Variants in COL5A2 observed in about 807,000 individuals in gnomAD.
COL5A2 encodes the protein collagen alpha-2(V) chain.
Under a neutral mutation model 208.2 loss-of-function variants are expected in COL5A2, and 23 were observed. The ratio of observed to expected loss-of-function variants is 0.11; its 90% CI spans 0.08 to 0.16. COL5A2 has a LOEUF of 0.16. Among genes scored for constraint, COL5A2 ranks in the 10% least tolerant of loss-of-function variants. COL5A2 has a pLI of 1.00. For synonymous variants in COL5A2, 625 were observed against 628.5 expected (o/e 0.99, Z 0.08); for missense variants, 1,590 against 1,956.4 (o/e 0.81, Z 3.53).
intron 1 of COL5A2, among the ~76,000 whole-genome samples, chr2:189,187,847 T>C (rs977391543): frequency 1.3e-5 from 2 of 151,734 alleles, no homozygotes; most frequent in African/African-American, 4.8e-5. Context: ...TGGGCGCCTG[T>C]AGTCCCAGCT....
At chr2:189,036,215 G>T (rs115339991) in intron 52 of COL5A2, among the ~76,000 whole-genome samples, 2,626 of 152,046 alleles carry the variant, frequency 0.017, 66 homozygotes, top group African/African-American at 0.06. Flanking sequence ...ACTTTATAAG[G>T]CCCCAAAGTC....
the COL5A2 span, among the ~76,000 whole-genome samples, chr2:189,390,224 G>A: frequency 1.3e-5 from 2 of 152,018 alleles, no homozygotes; most frequent in Non-Finnish European, 2.9e-5. Context: ...GAGCTCACCC[G>A]CACAAATCAC....
the COL5A2 span, among the ~76,000 whole-genome samples, chr2:189,246,515 T>C: frequency 6.6e-6 from 1 of 152,178 alleles, no homozygotes; most frequent in African/African-American, 2.4e-5. Context: ...AAATTAACCA[T>C]GCTAGAGGTA....
the COL5A2 span, among the ~76,000 whole-genome samples, chr2:189,233,555 GA>G: frequency 1.4e-5 from 2 of 147,148 alleles, no homozygotes; most frequent in East Asian, 2.0e-4. Context: ...CTTGGTATTT[GA>G]AAAAAAAAAG....
chr2:189,153,492 T>A (rs1184600097), intron 1 of COL5A2, among the ~76,000 whole-genome samples: 1 of 152,144 alleles, frequency 6.6e-6, no homozygotes, highest in African/African-American at 2.4e-5. Context: ...CCATAATATC[T>A]AACAAGCATA....
intron 1 of COL5A2, among the ~76,000 whole-genome samples, chr2:189,148,716 T>G (rs1324239382): frequency 6.6e-6 from 1 of 152,194 alleles, no homozygotes; most frequent in East Asian, 1.9e-4. Context: ...GAATCTTCAT[T>G]TTTCCATAAA....
At chr2:189,289,631 T>A in the COL5A2 span, among the ~76,000 whole-genome samples, 21,398 of 152,138 alleles carry the variant, frequency 0.14, 1,921 homozygotes, top group South Asian at 0.2. Flanking sequence ...ATATATTTTT[T>A]AAAAATCTAG....
At chr2:189,049,301 T>A in intron 44 of COL5A2, 46 bp downstream of exon 44, 3 of 1,331,600 alleles carry the variant, frequency 2.3e-6, no homozygotes, top group Non-Finnish European at 3.2e-6. Context: ...ATTGTTTCCA[T>A]GACACCAGAT....
chr2:189,261,650 T>C, the COL5A2 span, among the ~76,000 whole-genome samples: 3 of 152,228 alleles, frequency 2.0e-5, no homozygotes, highest in Non-Finnish European at 4.4e-5. Context: ...TTAGATTTCC[T>C]GTTCTTTCAA....
In COL5A2 at chr2:189,032,737, C is replaced by T. The variant is rs1240428087; in HGVS notation, c.*1333G>A. On this transcript the variant is annotated 3_prime_UTR_variant, in exon 54 of 54. Transcript: ENST00000374866. ...CAAGTATTACAAAGCATTCCAGATA[C>T]AGTATGACAGAGGAACAGTGAACAA... The T allele has an allele frequency of 6.6e-6, 1 of 152,488 alleles. No homozygotes were observed. The highest frequency in any genetic ancestry group is 2.4e-5 in the African/African-American group (1 of 41,420). The allele number at this position is 152,488 out of a possible 1,614,324, so 9.4% of individuals were successfully genotyped here.
At chr2:189,378,467 G>A in the COL5A2 span, among the ~76,000 whole-genome samples, 1 of 152,194 alleles carries the variant, frequency 6.6e-6, no homozygotes, top group Non-Finnish European at 1.5e-5. Context: ...GCTCACGCCT[G>A]TAATCCCAGC....
the COL5A2 span, among the ~76,000 whole-genome samples, chr2:189,352,373 CCA>C: frequency 2.1e-3 from 319 of 152,288 alleles, 3 homozygotes; most frequent in African/African-American, 6.6e-3. Context: ...TGAGGAATTG[CCA>C]CACTGTCTTC....
At chr2:189,188,560 A>G (rs1198227617) in intron 1 of COL5A2, among the ~76,000 whole-genome samples, 1 of 152,242 alleles carries the variant, frequency 6.6e-6, no homozygotes, top group African/African-American at 2.4e-5. Flanking sequence ...CTGTAGCTAA[A>G]TTGAGAGTCC....
At chr2:189,268,243 T>C in the COL5A2 span, among the ~76,000 whole-genome samples, 15 of 152,158 alleles carry the variant, frequency 9.9e-5, no homozygotes, top group Non-Finnish European at 1.8e-4. Context: ...AAAATTGGCA[T>C]TGTTTCCACA....
At chr2:189,354,345 T>C in the COL5A2 span, among the ~76,000 whole-genome samples, 2 of 152,202 alleles carry the variant, frequency 1.3e-5, no homozygotes, top group Non-Finnish European at 2.9e-5. Context: ...GAATAGTTTC[T>C]GAATGAGTGG....
At chr2:189,283,330 A>T in the COL5A2 span, among the ~76,000 whole-genome samples, 6 of 152,076 alleles carry the variant, frequency 3.9e-5, no homozygotes, top group African/African-American at 1.4e-4. Flanking sequence ...ATAAAATTTA[A>T]AGAAAAGAGA....
chr2:189,061,065 T>G (rs1326801898), intron 30 of COL5A2, among the ~76,000 whole-genome samples: 1 of 152,058 alleles, frequency 6.6e-6, no homozygotes, highest in Non-Finnish European at 1.5e-5. Context: ...ATTTATAGAG[T>G]TTTTATGGCT....
the COL5A2 span, among the ~76,000 whole-genome samples, chr2:189,327,650 G>T: frequency 6.6e-6 from 1 of 152,134 alleles, no homozygotes; most frequent in East Asian, 1.9e-4. Context: ...CTTGAACTAG[G>T]TTGTCATATA....
chr2:189,296,135 CT>C, the COL5A2 span, among the ~76,000 whole-genome samples: 114 of 152,202 alleles, frequency 7.5e-4, no homozygotes, highest in African/African-American at 2.6e-3. Flanking sequence ...AGGCTCAGTT[CT>C]TTTTTTGTCT....
Sources: allele counts gnomAD v4.1 joint callset (sites outside exome capture counted in the v4.1 genomes callset), GRCh38; gene constraint gnomAD v4.1.1; transcripts MANE v1.5; gene names NCBI Gene and HGNC (gene_info 2026-07-23, HGNC 2026-07-21).